The following ABCB5 variants were observed in gnomAD, a reference collection of about 807,000 sequenced individuals.
The protein encoded by ABCB5 is ATP-binding cassette sub-family B member 5.
ABCB5 carries 155 observed loss-of-function variants against 144.2 expected under a neutral mutation model. The observed-to-expected ratio is 1.08, with a 90% confidence interval of 0.94 to 1.23. The LOEUF is 1.23. ABCB5 is among the 50% of genes most tolerant of loss of function. The pLI is 0.00. For synonymous variants in ABCB5, 610 were observed against 528.6 expected, an observed-to-expected ratio of 1.15 and a Z score of -2.11; for missense variants, 1,830 against 1,520.8, an observed-to-expected ratio of 1.20 and a Z score of -3.38.
chr7:20,643,289 A>T lies in ABCB5; in HGVS notation c.420A>T (p.Arg140=). The change falls in exon 6 of 28, where the codon CGA becomes CGT. Residue 140 remains arginine (R), a synonymous_variant. Transcript: ENST00000404938. ...CAGCACGACAGACCAAGAGGATTCG[A>T]AAACAGTTTTTTCATTCAGTTTTGG... ...ITAARQTKRI[R]KQFFHSVLAQ... 6.2e-7 allele frequency: 1 copy of T among 1,613,910 alleles called. No homozygotes were observed. Among genetic ancestry groups the T allele is most frequent in the Non-Finnish European group, 8.5e-7 (1 of 1,179,854 alleles).
chr7:20,715,403 ATGTGTGTGTGTGCG>A (rs1554287700), intron 20 of ABCB5, among the ~76,000 whole-genome samples: 1 of 151,476 alleles, frequency 6.6e-6, no homozygotes, highest in Non-Finnish European at 1.5e-5. Context: ...TGCGTGGTGT[ATGTGTGTGTGTGCG>A]TGTGTGTGTG....
At chr7:20,737,214 A>G (rs1782409168) in intron 23 of ABCB5, among the ~76,000 whole-genome samples, 1 of 151,640 alleles carries the variant, frequency 6.6e-6, no homozygotes, top group South Asian at 2.1e-4. Context: ...AGATAGTCCA[A>G]CACCTCAAAG....
chr7:20,746,010 G>A (rs28559933), intron 26 of ABCB5, among the ~76,000 whole-genome samples: 10,507 of 152,214 alleles, frequency 0.069, 1,116 homozygotes, highest in African/African-American at 0.22. Context: ...TCAAGAACAT[G>A]CCAACTTGCT....
intron 20 of ABCB5, among the ~76,000 whole-genome samples, chr7:20,716,597 G>GACAC (rs796743163): frequency 9.2e-5 from 14 of 152,172 alleles, no homozygotes; most frequent in African/African-American, 3.1e-4. Context: ...AGTTTTCATG[G>GACAC]ACACACTTAT....
At position 20,755,530 on chromosome 7, in the gene ABCB5, AC is replaced by A. The variant is rs747884534; in HGVS notation, c.3681del (p.His1227GlnfsTer5). The A allele has an allele frequency of 6.2e-7, 1 of 1,614,220 alleles. No homozygotes were observed. The highest frequency in any genetic ancestry group is 8.5e-7 in the Non-Finnish European group (1 of 1,180,032). The part of the protein sequence containing the change: ...IQNADLIVVL[H>X]NGKIKEQGTH... ...AACGCAGATTTGATAGTGGTTCTGCACAATGGAAAGATAAAGGAACAAGGAA... is the reference window on the plus strand; with the variant it reads ...AACGCAGATTTGATAGTGGTTCTGCAAATGGAAAGATAAAGGAACAAGGAA... On this transcript the variant is annotated frameshift_variant, in exon 28 of 28. Transcript: ENST00000404938. LOFTEE classifies it high-confidence loss of function.
rs10234054 is a variant in ABCB5 at position 20,748,147 on chromosome 7, C to T, written c.3429+2709C>T. 3.2e-3 allele frequency among the ~76,000 whole-genome samples: 492 copies of T among 152,274 alleles called. 2 individuals carry two copies. The highest frequency in any genetic ancestry group is 4.9e-3 in the Non-Finnish European group (334 of 68,018). On this transcript the variant is annotated intron_variant, in intron 26 of 27. Coordinates refer to ENST00000404938, the MANE Select transcript of ABCB5 (RefSeq NM_001163941.2). ...CTGAAGGGACGGAAAGGGTTCGTAA[C>T]CATGGTGGTCCTAGGGTTTCAGAGA...
Position 20,728,416 on chromosome 7 carries a change from T to A in ABCB5, c.2828T>A (p.Leu943Ter), listed in dbSNP as rs757004532. ...YAAGFRFGAY[L>*]IQAGRMTPEG... ...GCAGGGTTTCGATTTGGAGCCTATT[T>A]AATTCAAGCTGGACGAATGACCCCA... The change falls in exon 23 of 28, where the codon TTA (leucine) becomes TAA (stop). Residue 943 changes from leucine to a stop codon, truncating the protein, a stop_gained. Transcript: ENST00000404938. LOFTEE classifies it high-confidence loss of function. 5 of 1,614,040 alleles carry A rather than the reference T, an allele frequency of 3.1e-6. No individual in the cohort carries two copies. The African/African-American group carries it at 4.0e-5, about 13-fold the overall frequency.
At chr7:20,731,217 G>A (rs1031773681) in intron 23 of ABCB5, among the ~76,000 whole-genome samples, 2 of 151,804 alleles carry the variant, frequency 1.3e-5, no homozygotes, top group African/African-American at 2.4e-5. Context: ...AGCTGGGCAT[G>A]GTGGTGGGCG....
chr7:20,735,585 G>T (rs983268710), intron 23 of ABCB5, among the ~76,000 whole-genome samples: 2 of 152,208 alleles, frequency 1.3e-5, no homozygotes, highest in Non-Finnish European at 2.9e-5. Flanking sequence ...ATCCGGAAGA[G>T]ACAGACAAGG....
At chr7:20,685,104 G>C (rs1785951674) in intron 15 of ABCB5, among the ~76,000 whole-genome samples, 1 of 152,208 alleles carries the variant, frequency 6.6e-6, no homozygotes, top group Non-Finnish European at 1.5e-5. Flanking sequence ...GCACGTCTCG[G>C]TTTCCCAAAG....
At chr7:20,665,283 T>C (rs933265133) in intron 14 of ABCB5, among the ~76,000 whole-genome samples, 7 of 152,152 alleles carry the variant, frequency 4.6e-5, no homozygotes, top group African/African-American at 1.7e-4. Flanking sequence ...TCTAAGTTCC[T>C]GATATTTTGC....
At chr7:20,628,662 G>T in intron 3 of ABCB5, 26 bp from the exon 4 acceptor site, 2 of 1,603,006 alleles carry the variant, frequency 1.2e-6, no homozygotes, top group Non-Finnish European at 1.7e-6. Context: ...TACAGTTGTG[G>T]TGCTACCGTG....
intron 16 of ABCB5, among the ~76,000 whole-genome samples, chr7:20,689,207 GGA>G (rs1448047823): frequency 6.6e-6 from 1 of 152,184 alleles, no homozygotes; most frequent in Non-Finnish European, 1.5e-5. Flanking sequence ...CACTACCGCT[GGA>G]GTGAAATACA....
chr7:20,652,551 C>A (rs548499319), intron 13 of ABCB5, among the ~76,000 whole-genome samples: 4 of 151,274 alleles, frequency 2.6e-5, no homozygotes, highest in Admixed American at 2.6e-4. Context: ...ACCTGAGCAA[C>A]AGAGTGAGAC....
chr7:20,742,665 G>A (rs1330796004), intron 24 of ABCB5, among the ~76,000 whole-genome samples: 1 of 152,206 alleles, frequency 6.6e-6, no homozygotes, highest in Non-Finnish European at 1.5e-5. Context: ...AGTCAGTAGT[G>A]AAGATAACAA....
intron 22 of ABCB5, among the ~76,000 whole-genome samples, chr7:20,727,928 C>G (rs967906241): frequency 5.3e-5 from 8 of 152,272 alleles, no homozygotes; most frequent in African/African-American, 1.9e-4. Context: ...GTTGGCACCA[C>G]CCTTTAATTT....
intron 14 of ABCB5, among the ~76,000 whole-genome samples, chr7:20,681,012 TTCTTTCTTTCTTTCTTTCTTTC>T (rs1785785553): frequency 4.1e-4 from 2 of 4,926 alleles, no homozygotes; most frequent in African/African-American, 2.1e-3. Flanking sequence ...CTTTCTTTCT[TTCTTTCTTTCTTTCTTTCTTTC>T]TCTTTCTTTC....
At chr7:20,720,321 T>A (rs928509131) in intron 20 of ABCB5, among the ~76,000 whole-genome samples, 2 of 152,184 alleles carry the variant, frequency 1.3e-5, no homozygotes, top group Non-Finnish European at 2.9e-5. Context: ...ATAAATAAGT[T>A]GAAAGTTTGA....
intron 13 of ABCB5, among the ~76,000 whole-genome samples, chr7:20,655,700 T>G (rs1434480146): frequency 6.6e-6 from 1 of 152,190 alleles, no homozygotes; most frequent in Non-Finnish European, 1.5e-5. Context: ...ATTTAGAAAC[T>G]CCATATTTTT....
Sources: allele counts gnomAD v4.1 joint callset (sites outside exome capture counted in the v4.1 genomes callset), GRCh38; gene constraint gnomAD v4.1.1; transcripts MANE v1.5; gene names NCBI Gene and HGNC (gene_info 2026-07-23, HGNC 2026-07-21).